Variants in ERBB4 observed in about 807,000 individuals in gnomAD.
ERBB4 encodes receptor tyrosine-protein kinase erbB-4.
A neutral mutation model predicts 158.0 loss-of-function variants in ERBB4; 42 were observed. That is an observed-to-expected ratio of 0.27 (90% CI 0.21 to 0.34). ERBB4 has a LOEUF of 0.34. ERBB4 is among the 10% of genes least tolerant of loss of function. ERBB4 has a pLI of 1.00. For missense variants in ERBB4, 1,333 were observed against 1,624.1 expected (o/e 0.82, Z 3.08); for synonymous variants, 583 against 558.7 (o/e 1.04, Z -0.61).
chr2:211,657,375 G>A (rs921618868), intron 16 of ERBB4, among the ~76,000 whole-genome samples: 1 of 151,932 alleles, frequency 6.6e-6, no homozygotes, highest in African/African-American at 2.4e-5. Flanking sequence ...CAGGCATGGT[G>A]GTGGGCACTT....
chr2:211,484,696 T>A (rs1371964257), intron 20 of ERBB4, among the ~76,000 whole-genome samples: 1 of 152,120 alleles, frequency 6.6e-6, no homozygotes, highest in Non-Finnish European at 1.5e-5. Flanking sequence ...ATAACAGACC[T>A]TCAAAATATT....
In ERBB4 at chr2:211,380,875, T is replaced by C. The variant is rs2062563301; in HGVS notation, c.*2740A>G. On this transcript the variant is annotated 3_prime_UTR_variant, in exon 28 of 28. Transcript: ENST00000342788. ...GTTAAAAGTTTGTTTTAACTATTCATTTTTTCCTTCTCCAAAATGAGTGAT... is the reference window on the plus strand; with the variant it reads ...GTTAAAAGTTTGTTTTAACTATTCACTTTTTCCTTCTCCAAAATGAGTGAT... 4.3e-6 allele frequency: 1 copy of C among 231,760 alleles called. No individual in the cohort carries two copies. Among genetic ancestry groups the C allele is most frequent in the Non-Finnish European group, 8.5e-6 (1 of 117,222 alleles). 14.4% of individuals were successfully genotyped at this position (231,760 alleles called of 1,614,324 possible). A position where few individuals can be genotyped will look rare whatever the true frequency, so the allele number is the denominator to read the frequency against.
At chr2:211,993,050 C>T (rs1231941436) in intron 2 of ERBB4, among the ~76,000 whole-genome samples, 1 of 152,134 alleles carries the variant, frequency 6.6e-6, no homozygotes. Flanking sequence ...GCTGGCGAGC[C>T]AGCAGTTTTG....
rs189766782 is a variant in ERBB4, at chr2:212,253,097, G to A, written c.83-128194C>T. On this transcript the variant is annotated intron_variant, in intron 1 of 27. Transcript: ENST00000342788. ...TAGCTTACTTTTCTTAGAATCAAAT[G>A]TCTGTAGATTTATTCTATTAAATGT... Among the ~76,000 whole-genome samples the A allele has an allele frequency of 4.6e-5, 7 of 152,014 alleles. No homozygotes were observed. The East Asian group carries it at 1.4e-3, about 29-fold the overall frequency.
Position 211,477,384 on chromosome 2 carries a change from G to C in ERBB4, c.2488-46284C>G, listed in dbSNP as rs142193404. Among the ~76,000 whole-genome samples the C allele has an allele frequency of 8.0e-4, 122 of 151,756 alleles. 1 individual carries two copies. Among genetic ancestry groups the C allele is most frequent in the African/African-American group, 2.7e-3 (112 of 41,374 alleles). ...CTGTTGGTTTTATTTCTCTGTGTTGGTTTTGTTTCTCTGGAGAACCCTAAT... is the reference window on the plus strand; with the variant it reads ...CTGTTGGTTTTATTTCTCTGTGTTGCTTTTGTTTCTCTGGAGAACCCTAAT... On this transcript the variant is annotated intron_variant, in intron 20 of 27. Coordinates refer to ENST00000342788, the MANE Select transcript of ERBB4 (RefSeq NM_005235.3).
At position 212,534,632 on chromosome 2, in the gene ERBB4, AC is replaced by A. The variant is rs566093616; in HGVS notation, c.82+3816del. Among the ~76,000 whole-genome samples, 91 of 152,330 alleles carry A rather than the reference AC, an allele frequency of 6.0e-4. No individual in the cohort carries two copies. In the East Asian group the frequency reaches 8.9e-3, roughly 15 times the overall value. ...GTTACTGGGAAAGACACAAACAAAA[AC>A]AATATACTTAGTGGCGGAAGGGAAA... On this transcript the variant is annotated intron_variant, in intron 1 of 27. Coordinates refer to ENST00000342788, the MANE Select transcript of ERBB4 (RefSeq NM_005235.3).
intron 3 of ERBB4, among the ~76,000 whole-genome samples, chr2:211,888,892 G>C (rs1248324462): frequency 2.0e-5 from 3 of 151,708 alleles, no homozygotes; most frequent in African/African-American, 2.4e-5. Context: ...TGGCTCGGAG[G>C]GTCCTACGCC....
intron 20 of ERBB4, among the ~76,000 whole-genome samples, chr2:211,442,091 CCCT>C (rs1363151518): frequency 6.6e-6 from 1 of 152,100 alleles, no homozygotes; most frequent in Non-Finnish European, 1.5e-5. Flanking sequence ...CTCTGCTTGG[CCCT>C]CCAGCTTCTT....
At chr2:211,435,421 T>C (rs1003723917) in intron 20 of ERBB4, among the ~76,000 whole-genome samples, 1 of 152,194 alleles carries the variant, frequency 6.6e-6, no homozygotes, top group Admixed American at 6.5e-5. Context: ...GTATTTTAAA[T>C]ATGAGAAAAC....
chr2:211,513,361 AAAAAAAAAAAAAAAAC>A (rs1223317523), intron 20 of ERBB4, among the ~76,000 whole-genome samples: 2 of 108,096 alleles, frequency 1.9e-5, no homozygotes, highest in Non-Finnish European at 2.0e-5. Flanking sequence ...CCGTCTCAAA[AAAAAAAAAAAAAAAAC>A]AAAAAAAAAA....
chr2:211,923,571 C>T (rs1575383317), intron 3 of ERBB4, among the ~76,000 whole-genome samples: 1 of 152,136 alleles, frequency 6.6e-6, no homozygotes, highest in East Asian at 1.9e-4. Flanking sequence ...CCTTGTGCTG[C>T]CTTGCTGAGT....
chr2:212,395,432 G>C (rs1433252739), intron 1 of ERBB4, among the ~76,000 whole-genome samples: 1 of 151,742 alleles, frequency 6.6e-6, no homozygotes, highest in African/African-American at 2.4e-5. Context: ...ATAGAGGTGT[G>C]TCACGTAAAG....
intron 20 of ERBB4, among the ~76,000 whole-genome samples, chr2:211,477,582 G>A (rs1203347931): frequency 1.3e-5 from 2 of 152,098 alleles, no homozygotes; most frequent in African/African-American, 4.8e-5. Context: ...TAATGGTGAA[G>A]TGTATTCGCT....
chr2:211,893,602 C>A (rs2079024984), intron 3 of ERBB4, among the ~76,000 whole-genome samples: 1 of 140,570 alleles, frequency 7.1e-6, no homozygotes, highest in Admixed American at 6.9e-5. Flanking sequence ...GCAAAAGAAG[C>A]TACCATCAGA....
chr2:212,325,580 C>A (rs2087787273), intron 1 of ERBB4, among the ~76,000 whole-genome samples: 1 of 150,662 alleles, frequency 6.6e-6, no homozygotes, highest in African/African-American at 2.4e-5. Context: ...TAAATGCATT[C>A]TTGTTTAGTT....
chr2:212,461,690 G>A (rs1043400140), intron 1 of ERBB4, among the ~76,000 whole-genome samples: 3 of 152,094 alleles, frequency 2.0e-5, no homozygotes, highest in Non-Finnish European at 4.4e-5. Context: ...GTGAGGATGT[G>A]AGATTGGGGA....
At chr2:212,522,193 G>C (rs975823446) in intron 1 of ERBB4, among the ~76,000 whole-genome samples, 1 of 151,980 alleles carries the variant, frequency 6.6e-6, no homozygotes, top group African/African-American at 2.4e-5. Context: ...CCATTTGCAA[G>C]TTATTTAATT....
chr2:211,745,737 A>AAAAAAAAAAAAAAAAAAC (rs1559480919), intron 5 of ERBB4, among the ~76,000 whole-genome samples: 2 of 150,842 alleles, frequency 1.3e-5, no homozygotes, highest in Admixed American at 6.6e-5. Context: ...AAACAAAACA[A>AAAAAAAAAAAAAAAAAAC]AAAAAACCCT....
At chr2:211,785,702 T>C (rs1307558131) in intron 4 of ERBB4, among the ~76,000 whole-genome samples, 1 of 152,096 alleles carries the variant, frequency 6.6e-6, no homozygotes, top group East Asian at 1.9e-4. Flanking sequence ...TATTTATGCC[T>C]ATCACTGCTT....
Sources: allele counts gnomAD v4.1 joint callset (sites outside exome capture counted in the v4.1 genomes callset), GRCh38; gene constraint gnomAD v4.1.1; transcripts MANE v1.5; gene names NCBI Gene and HGNC (gene_info 2026-07-23, HGNC 2026-07-21).